Variants in CDC34 observed in about 807,000 individuals in gnomAD.
CDC34 encodes the protein cell division cycle 34, ubiquitin conjugating enzyme, also known as ubiquitin-conjugating enzyme E2 R1.
A neutral mutation model predicts 26.8 loss-of-function variants in CDC34; 18 were observed. The observed-to-expected ratio is 0.67, with a 90% CI of 0.47 to 1.00. The LOEUF is 1.00. Among genes scored for constraint, CDC34 ranks in the 50% least tolerant of loss-of-function variants. The probability of loss-of-function intolerance (pLI) is 0.00; values close to 1 mark genes in which losing one functional copy is unlikely to be tolerated. For synonymous variants in CDC34, 178 were observed against 147.5 expected, an observed-to-expected ratio of 1.21 and a Z score of -1.50; for missense variants, 280 against 334.5, an observed-to-expected ratio of 0.84 and a Z score of 1.27.
intron 2 of CDC34, 90 bp from the exon 3 acceptor site, chr19:536,152 TC>T (rs1186857444): frequency 1.8e-6 from 2 of 1,104,992 alleles, no homozygotes; most frequent in Admixed American, 4.4e-5. Context: ...CCTCACGTCC[TC>T]GTCCTCCACG....
At chr19:538,258 G>A (rs1979853324) in intron 4 of CDC34, among the ~76,000 whole-genome samples, 1 of 152,252 alleles carries the variant, frequency 6.6e-6, no homozygotes, top group South Asian at 2.1e-4. Context: ...TCTTGGCCTG[G>A]TGAGCTCTGG....
rs775660862 is a variant in CDC34, at chr19:541,600, G to A, written c.*48G>A. The stretch of plus-strand genomic sequence containing the variant: ...AGTTTACCTCACTAGGGCCGGACCC[G>A]TGGCTCCTTAGACGACAGACTACCT... On this transcript the variant is annotated 3_prime_UTR_variant, in exon 5 of 5. Coordinates refer to ENST00000215574, the MANE Select transcript of CDC34 (RefSeq NM_004359.2). 1.9e-5 allele frequency: 29 copies of A among 1,512,062 alleles called. 1 individual carries two copies. Among genetic ancestry groups the A allele is most frequent in the South Asian group, 1.7e-4 (13 of 75,632 alleles). The allele number at this position is 1,512,062 out of a possible 1,614,324, so 93.7% of individuals were successfully genotyped here. A position where few individuals can be genotyped will look rare whatever the true frequency, so the allele number is the denominator to read the frequency against.
Position 541,759 on chromosome 19 carries a change from G to A in CDC34, c.*207G>A. The A allele has an allele frequency of 4.2e-6, 2 of 480,380 alleles. No homozygotes were observed. Among genetic ancestry groups the A allele is most frequent in the South Asian group, 8.9e-5 (2 of 22,506 alleles). The allele number at this position is 480,380 out of a possible 1,614,324, so 29.8% of individuals were successfully genotyped here. ...CCCCACCGCCACTCACGTCACTCGG[G>A]GCTCGGTGGACGGGCCCAGGGTGGG... On this transcript the variant is annotated 3_prime_UTR_variant, in exon 5 of 5. Coordinates refer to ENST00000215574, the MANE Select transcript of CDC34 (RefSeq NM_004359.2).
intron 4 of CDC34, among the ~76,000 whole-genome samples, chr19:537,729 C>T (rs557956974): frequency 8.3e-5 from 12 of 144,416 alleles, no homozygotes; most frequent in African/African-American, 3.0e-4. Context: ...GATCTCGGCT[C>T]ACTGCAGCCT....
rs1414962637 is a variant in CDC34 at position 537,097 on chromosome 19, G to T, written c.447G>T (p.Arg149Ser). The change falls in exon 4 of 5, where the codon AGG (arginine) becomes AGT (serine). Residue 149 changes from arginine to serine, a missense_variant. By Grantham distance (110) the Arg-to-Ser change is moderately radical (BLOSUM62 -1). Coordinates refer to ENST00000215574, the MANE Select transcript of CDC34 (RefSeq NM_004359.2). ...PANVDASVMY[R>S]KWKESKGKDR... Reference sequence around the variant, plus strand: ...ACGTGGACGCCTCCGTGATGTACAGGAAGTGGAAAGAGAGCAAGGGGAAGG... The same window carrying T: ...ACGTGGACGCCTCCGTGATGTACAGTAAGTGGAAAGAGAGCAAGGGGAAGG... 1 of 1,613,882 alleles carries T rather than the reference G, an allele frequency of 6.2e-7. No individual in the cohort carries two copies. Among genetic ancestry groups the T allele is most frequent in the Non-Finnish European group, 8.5e-7 (1 of 1,179,986 alleles).
chr19:534,527 T>C (rs1979647451), intron 1 of CDC34, among the ~76,000 whole-genome samples: 1 of 110,960 alleles, frequency 9.0e-6, no homozygotes, highest in Admixed American at 9.6e-5. Context: ...TGTCCAGACC[T>C]CGCCCACAAT....
intron 1 of CDC34, among the ~76,000 whole-genome samples, chr19:533,570 G>A (rs973853633): frequency 6.6e-5 from 10 of 152,210 alleles, no homozygotes; most frequent in African/African-American, 2.4e-4. Context: ...GTCTGCTTGG[G>A]GGAGCAGCTG....
At chr19:534,077 G>T (rs1435234787) in intron 1 of CDC34, among the ~76,000 whole-genome samples, 2 of 152,198 alleles carry the variant, frequency 1.3e-5, no homozygotes, top group Admixed American at 6.5e-5. Context: ...TCTTAGAGGT[G>T]CCCAAAATAA....
chr19:536,088 C>CGGGGCGCTGG (rs1555720196), intron 2 of CDC34, among the ~76,000 whole-genome samples, 155 bp from the exon 3 acceptor site: 2 of 131,646 alleles, frequency 1.5e-5, no homozygotes, highest in Non-Finnish European at 3.4e-5. Flanking sequence ...TTCCGGGACC[C>CGGGGCGCTGG]GAGGCGCTGG....
chr19:532,412 T>G (rs1184496505), intron 1 of CDC34, among the ~76,000 whole-genome samples: 1 of 152,160 alleles, frequency 6.6e-6, no homozygotes, highest in Non-Finnish European at 1.5e-5. Flanking sequence ...GCCCTCCCTG[T>G]AGCATCTGGG....
chr19:539,323 C>T lies in CDC34; in HGVS notation c.498-2016C>T, dbSNP rs571296965. ...CGTCTCCCCACAGCCGCCACCTCTGCGGTGCCGTCCCCGGGGCACCGTCAC... is the reference window on the plus strand; with the variant it reads ...CGTCTCCCCACAGCCGCCACCTCTGTGGTGCCGTCCCCGGGGCACCGTCAC... On this transcript the variant is annotated intron_variant, in intron 4 of 4. Transcript: ENST00000215574. 9.7e-4 allele frequency among the ~76,000 whole-genome samples: 147 copies of T among 151,514 alleles called. 1 individual carries two copies. The highest frequency in any genetic ancestry group is 3.5e-3 in the African/African-American group (143 of 41,330).
chr19:539,225 C>T (rs1600429095), intron 4 of CDC34, among the ~76,000 whole-genome samples: 1 of 152,194 alleles, frequency 6.6e-6, no homozygotes, highest in East Asian at 1.9e-4. Flanking sequence ...CCAGACCGTC[C>T]TCCAGCTCAT....
rs894739124 is a variant in CDC34, at chr19:536,159, C to G, written c.265-84C>G. 2.3e-4 allele frequency: 265 copies of G among 1,154,408 alleles called. 1 individual carries two copies. The Admixed American group carries it at 5.4e-3, about 23-fold the overall frequency. The allele number at this position is 1,154,408 out of a possible 1,614,324, so 71.5% of individuals were successfully genotyped here. On this transcript the variant is annotated intron_variant, in intron 2 of 4. Coordinates refer to ENST00000215574, the MANE Select transcript of CDC34 (RefSeq NM_004359.2). ...GCTGGGAGCCTCACGTCCTCGTCCT[C>G]CACGTCCTCATCCTCCGGGACCTGG...
intron 4 of CDC34, 23 bp from the exon 5 acceptor site, chr19:541,316 C>T: frequency 6.6e-7 from 1 of 1,522,610 alleles, no homozygotes; most frequent in Non-Finnish European, 8.8e-7. Context: ...TGGGTGGCGC[C>T]CTCACCCACC....
chr19:534,357 A>T (rs1407555253), intron 1 of CDC34, among the ~76,000 whole-genome samples: 1 of 146,198 alleles, frequency 6.8e-6, no homozygotes, highest in Non-Finnish European at 1.5e-5. Flanking sequence ...CCACGATCCA[A>T]GACCCCCAAA....
At chr19:534,984 G>A (rs1979673188) in intron 1 of CDC34, among the ~76,000 whole-genome samples, 1 of 152,200 alleles carries the variant, frequency 6.6e-6, no homozygotes, top group East Asian at 1.9e-4. Context: ...GTGCCACCAG[G>A]ACCCCTGACC....
rs550012804 is a variant in CDC34 at position 541,496 on chromosome 19, G to A, written c.655G>A (p.Glu219Lys). ...DYYEDGEVEE[E>K]ADSCFGDDED... ...CTACGAGGACGGCGAGGTGGAGGAG[G>A]AGGCCGACAGCTGCTTCGGGGACGA... is the stretch of plus-strand genomic sequence containing the variant. Residue 219 changes from glutamate (E) to lysine (K), a missense_variant, in exon 5 of 5, where the codon GAG becomes AAG. Physicochemically the swap from Glu to Lys is moderately conservative, Grantham distance 56. Transcript: ENST00000215574. 1.4e-4 allele frequency: 223 copies of A among 1,610,836 alleles called. No homozygotes were observed. Among genetic ancestry groups the A allele is most frequent in the Non-Finnish European group, 1.9e-4 (221 of 1,178,514 alleles).
chr19:533,933 G>T (rs1276391553), intron 1 of CDC34, among the ~76,000 whole-genome samples: 1 of 152,224 alleles, frequency 6.6e-6, no homozygotes, highest in Non-Finnish European at 1.5e-5. Context: ...GCCTGCAGCT[G>T]CTGTTCCTTC....
At chr19:536,448 C>T (rs1290668200) in intron 3 of CDC34, 108 bp downstream of exon 3, 6 of 830,676 alleles carry the variant, frequency 7.2e-6, no homozygotes, top group African/African-American at 3.4e-5. Context: ...CAGGCTGTGG[C>T]GCCAAGGCCT....
Sources: gnomAD v4.1 joint callset for allele counts (sites outside exome capture counted in the v4.1 genomes callset) on GRCh38, gnomAD v4.1.1 for gene constraint, MANE v1.5 for transcripts, NCBI Gene and HGNC (gene_info 2026-07-23, HGNC 2026-07-21) for gene names.